PXDNL: variants seen among roughly 807,000 people sequenced by gnomAD.
PXDNL encodes probable oxidoreductase PXDNL.
PXDNL carries 145 observed loss-of-function variants against 150.8 expected under a neutral mutation model. The observed-to-expected ratio is 0.96, with a 90% CI of 0.84 to 1.10. The LOEUF (loss-of-function observed/expected upper bound fraction) is 1.10. Among genes scored for constraint, PXDNL ranks in the 50% least tolerant of loss-of-function variants. The pLI, the probability that PXDNL is intolerant of heterozygous loss-of-function variation, is 0.00. For synonymous variants in PXDNL, 757 were observed against 725.7 expected (o/e 1.04, Z -0.69); for missense variants, 2,087 against 1,873.9 (o/e 1.11, Z -2.10).
chr8:51,477,594 C>T (rs928807943), intron 6 of PXDNL, among the ~76,000 whole-genome samples: 7 of 152,146 alleles, frequency 4.6e-5, no homozygotes, highest in Non-Finnish European at 8.8e-5. Context: ...TTTAATTTCT[C>T]GTAATTTTAT....
chr8:51,667,675 T>C (rs573859762), intron 1 of PXDNL, among the ~76,000 whole-genome samples: 33 of 152,300 alleles, frequency 2.2e-4, no homozygotes, highest in Admixed American at 5.2e-4. Context: ...GAGAAATCAA[T>C]GTGCCAAGAA....
intron 12 of PXDNL, among the ~76,000 whole-genome samples, chr8:51,431,775 C>T (rs767116569): frequency 1.2e-4 from 19 of 152,206 alleles, no homozygotes; most frequent in Non-Finnish European, 2.2e-4. Flanking sequence ...GGTCCACGCT[C>T]AGAAACCAAC....
At chr8:51,385,907 C>T (rs980663761) in intron 17 of PXDNL, among the ~76,000 whole-genome samples, 7 of 152,104 alleles carry the variant, frequency 4.6e-5, no homozygotes, top group African/African-American at 9.7e-5. Context: ...GCCTCCCAGC[C>T]GAGTGGAACT....
chr8:51,491,312 C>T (rs765633644), intron 5 of PXDNL, among the ~76,000 whole-genome samples: 6 of 152,012 alleles, frequency 3.9e-5, no homozygotes, highest in Non-Finnish European at 8.8e-5. Context: ...CCCTAATACA[C>T]TAGACAATTA....
chr8:51,578,888 T>C (rs73588756), intron 3 of PXDNL, among the ~76,000 whole-genome samples: 7,757 of 152,082 alleles, frequency 0.051, 466 homozygotes, highest in African/African-American at 0.15. Context: ...CAGGTGCTGA[T>C]GCAACTGAAC....
At chr8:51,392,559 A>C (rs965430076) in intron 17 of PXDNL, among the ~76,000 whole-genome samples, 3 of 152,158 alleles carry the variant, frequency 2.0e-5, no homozygotes, top group African/African-American at 7.2e-5. Context: ...TTGGTGTACA[A>C]GAATGTTTGT....
At chr8:51,464,208 G>A (rs1810152272) in intron 8 of PXDNL, among the ~76,000 whole-genome samples, 1 of 151,872 alleles carries the variant, frequency 6.6e-6, no homozygotes, top group Non-Finnish European at 1.5e-5. Flanking sequence ...TACAAAAAAT[G>A]AAAATATTAG....
intron 6 of PXDNL, among the ~76,000 whole-genome samples, chr8:51,476,522 T>C (rs1436860905): frequency 1.3e-5 from 2 of 152,234 alleles, no homozygotes; most frequent in African/African-American, 2.4e-5. Context: ...ACACAAGTTA[T>C]TCATTTTTGC....
intron 2 of PXDNL, among the ~76,000 whole-genome samples, chr8:51,650,972 T>C (rs890408688): frequency 1.3e-5 from 2 of 152,298 alleles, no homozygotes; most frequent in Non-Finnish European, 1.5e-5. Flanking sequence ...AAGGACATGA[T>C]TGTGTAATTA....
chr8:51,537,500 T>C (rs1366725105), intron 4 of PXDNL, among the ~76,000 whole-genome samples: 4 of 152,216 alleles, frequency 2.6e-5, no homozygotes, highest in African/African-American at 9.6e-5. Context: ...TGCTTGAAGC[T>C]GGACATGAGT....
intron 19 of PXDNL, among the ~76,000 whole-genome samples, chr8:51,363,025 G>A (rs1159812477): frequency 2.6e-5 from 4 of 152,130 alleles, no homozygotes; most frequent in African/African-American, 9.7e-5. Flanking sequence ...GAGGCCTGGG[G>A]CAAAGTTCTC....
intron 17 of PXDNL, among the ~76,000 whole-genome samples, chr8:51,402,196 C>A (rs1321139810): frequency 1.3e-5 from 2 of 152,108 alleles, no homozygotes; most frequent in Non-Finnish European, 2.9e-5. Flanking sequence ...ATACTGAATA[C>A]AAGTTACTTA....
intron 17 of PXDNL, among the ~76,000 whole-genome samples, chr8:51,391,210 G>A (rs527348989): frequency 9.9e-5 from 15 of 152,212 alleles, no homozygotes; most frequent in East Asian, 3.9e-4. Flanking sequence ...ATATGTGTGC[G>A]TGTGTCTTTA....
chr8:51,543,367 A>C (rs933903979), intron 4 of PXDNL, among the ~76,000 whole-genome samples: 7 of 152,216 alleles, frequency 4.6e-5, no homozygotes, highest in Non-Finnish European at 8.8e-5. Flanking sequence ...TTGTCTAAAA[A>C]AGGTACTCTA....
intron 21 of PXDNL, among the ~76,000 whole-genome samples, chr8:51,322,858 G>C (rs1805368288): frequency 6.6e-6 from 1 of 152,192 alleles, no homozygotes; most frequent in Non-Finnish European, 1.5e-5. Context: ...CTTGGGCAGT[G>C]GCATCCACCC....
rs117226704 is a variant in PXDNL, at chr8:51,529,076, C to T, written c.380+27764G>A. 4.2e-3 allele frequency among the ~76,000 whole-genome samples: 643 copies of T among 152,182 alleles called. 8 individuals carry two copies. Among genetic ancestry groups the T allele is most frequent in the Non-Finnish European group, 6.8e-3 (461 of 68,012 alleles). ...GTTATACAGTTATAAACATTATGGACGATGTCAGGTTTTTTAAAAAGCCCA... is the reference window on the plus strand; with the variant it reads ...GTTATACAGTTATAAACATTATGGATGATGTCAGGTTTTTTAAAAAGCCCA... On this transcript the variant is annotated intron_variant, in intron 4 of 22. Transcript: ENST00000356297.
In PXDNL at chr8:51,411,914, A is replaced by T. The variant is rs1428761474; in HGVS notation, c.1905-507T>A. Reference sequence around the variant, plus strand: ...AAGCTATCACTCCATCTTCTCTAGTACTCCTGTATCCTTAAATATGTGTCT... The same window carrying T: ...AAGCTATCACTCCATCTTCTCTAGTTCTCCTGTATCCTTAAATATGTGTCT... On this transcript the variant is annotated intron_variant, in intron 15 of 22. Coordinates refer to ENST00000356297, the MANE Select transcript of PXDNL (RefSeq NM_144651.5). Among the ~76,000 whole-genome samples, 3 of 152,120 alleles carry T rather than the reference A, an allele frequency of 2.0e-5. No individual in the cohort carries two copies. In the East Asian group the frequency reaches 5.8e-4, roughly 29 times the overall value.
chr8:51,430,531 C>T (rs1250199831), intron 12 of PXDNL, among the ~76,000 whole-genome samples: 1 of 152,198 alleles, frequency 6.6e-6, no homozygotes, highest in East Asian at 1.9e-4. Flanking sequence ...TTGAATCCTT[C>T]ATTTGCATAA....
chr8:51,425,389 A>C (rs1809063003), intron 13 of PXDNL, among the ~76,000 whole-genome samples: 1 of 152,214 alleles, frequency 6.6e-6, no homozygotes, highest in African/African-American at 2.4e-5. Flanking sequence ...AGACGCTGAG[A>C]TAGTCTGCTG....
Sources: allele counts gnomAD v4.1 joint callset (sites outside exome capture counted in the v4.1 genomes callset), GRCh38; gene constraint gnomAD v4.1.1; transcripts MANE v1.5; gene names NCBI Gene and HGNC (gene_info 2026-07-23, HGNC 2026-07-21).